KIAA1217: variants seen among roughly 807,000 people sequenced by gnomAD.
KIAA1217 encodes KIAA1217.
In KIAA1217, 88 loss-of-function variants were observed where a neutral mutation model predicts 163.9. The ratio of observed to expected loss-of-function variants is 0.54; its 90% confidence interval spans 0.45 to 0.64. KIAA1217 has a LOEUF of 0.64. KIAA1217 is among the 30% of genes least tolerant of loss of function. The pLI, the probability that KIAA1217 is intolerant of heterozygous loss-of-function variation, is 0.00. For missense variants in KIAA1217, 2,372 were observed against 2,475.0 expected, an observed-to-expected ratio of 0.96 and a Z score of 0.88; for synonymous variants, 903 against 923.1, an observed-to-expected ratio of 0.98 and a Z score of 0.39.
At chr10:23,877,135 G>A (rs973476994) in intron 1 of KIAA1217, among the ~76,000 whole-genome samples, 1 of 151,908 alleles carries the variant, frequency 6.6e-6, no homozygotes, top group Non-Finnish European at 1.5e-5. Flanking sequence ...GTTTTCTTTG[G>A]CTAATGAATG....
At chr10:24,080,580 A>G (rs1485732870) in intron 2 of KIAA1217, among the ~76,000 whole-genome samples, 1 of 152,124 alleles carries the variant, frequency 6.6e-6, no homozygotes, top group Non-Finnish European at 1.5e-5. Context: ...CATAATTAGG[A>G]AAAAAAGCCT....
intron 2 of KIAA1217, among the ~76,000 whole-genome samples, chr10:24,120,290 T>G (rs994013420): frequency 9.9e-5 from 15 of 152,158 alleles, no homozygotes; most frequent in Non-Finnish European, 1.9e-4. Context: ...GTCCCACTTT[T>G]GAGAGCATTT....
At chr10:23,756,032 C>T (rs1193944675) in intron 1 of KIAA1217, among the ~76,000 whole-genome samples, 1 of 152,050 alleles carries the variant, frequency 6.6e-6, no homozygotes, top group African/African-American at 2.4e-5. Flanking sequence ...TCATAGCTCA[C>T]TGCAGCCTCA....
At chr10:23,722,850 C>A (rs7098881) in intron 1 of KIAA1217, among the ~76,000 whole-genome samples, 5,707 of 152,232 alleles carry the variant, frequency 0.037, 332 homozygotes, top group African/African-American at 0.13. Context: ...CAAGGAGATA[C>A]CATAGTTCTC....
intron 2 of KIAA1217, among the ~76,000 whole-genome samples, chr10:24,113,760 C>A (rs879727589): frequency 3.3e-5 from 5 of 152,202 alleles, no homozygotes; most frequent in Non-Finnish European, 7.3e-5. Context: ...GAACTGGAAG[C>A]CCCTGCCATG....
intron 3 of KIAA1217, among the ~76,000 whole-genome samples, chr10:24,418,587 A>G (rs1480949334): frequency 3.3e-5 from 5 of 152,222 alleles, no homozygotes; most frequent in Admixed American, 3.3e-4. Flanking sequence ...ATCACTACGT[A>G]AAATACCAAT....
At chr10:24,159,741 C>T (rs1012066423) in intron 2 of KIAA1217, among the ~76,000 whole-genome samples, 1 of 152,088 alleles carries the variant, frequency 6.6e-6, no homozygotes, top group African/African-American at 2.4e-5. Flanking sequence ...TGAGATCACG[C>T]CACTGCGCTC....
intron 9 of KIAA1217, 78 bp downstream of exon 9, chr10:24,501,623 A>G (rs1326983109): frequency 7.4e-7 from 1 of 1,354,424 alleles, no homozygotes; most frequent in African/African-American, 1.4e-5. Context: ...GGCTCCGTGA[A>G]GACCTAGAGA....
At chr10:24,222,923 G>A (rs531863781) in intron 2 of KIAA1217, among the ~76,000 whole-genome samples, 9 of 152,186 alleles carry the variant, frequency 5.9e-5, no homozygotes, top group Admixed American at 5.9e-4. Flanking sequence ...TGCTAAACAA[G>A]GGGTGGATTA....
chr10:23,785,550 A>G (rs1388801800), intron 1 of KIAA1217, among the ~76,000 whole-genome samples: 1 of 152,174 alleles, frequency 6.6e-6, no homozygotes, highest in African/African-American at 2.4e-5. Context: ...GTAAATATGC[A>G]CATGTATACA....
intron 1 of KIAA1217, among the ~76,000 whole-genome samples, chr10:23,891,912 T>G (rs1400777825): frequency 6.6e-6 from 1 of 152,120 alleles, no homozygotes; most frequent in Non-Finnish European, 1.5e-5. Context: ...ACTGGGTACA[T>G]TAAGTATCAA....
chr10:24,177,448 G>C (rs181508954), intron 2 of KIAA1217, among the ~76,000 whole-genome samples: 2 of 148,380 alleles, frequency 1.3e-5, no homozygotes, highest in African/African-American at 5.0e-5. Context: ...CCATATTTTT[G>C]CAATTGTGAA....
intron 1 of KIAA1217, among the ~76,000 whole-genome samples, chr10:23,951,337 A>G (rs1267546905): frequency 6.6e-6 from 1 of 152,174 alleles, no homozygotes; most frequent in African/African-American, 2.4e-5. Context: ...TTATGAGAAA[A>G]TTAAAGCTCA....
intron 2 of KIAA1217, among the ~76,000 whole-genome samples, chr10:24,032,316 G>A (rs548312853): frequency 7.2e-5 from 11 of 152,264 alleles, no homozygotes; most frequent in African/African-American, 2.6e-4. Context: ...CTGGAGTGCA[G>A]TGGTGCAATC....
intron 3 of KIAA1217, among the ~76,000 whole-genome samples, chr10:24,396,201 G>A (rs1008421615): frequency 6.6e-6 from 1 of 152,110 alleles, no homozygotes; most frequent in Non-Finnish European, 1.5e-5. Flanking sequence ...GACAGGTGTG[G>A]TGGCAGGCAC....
chr10:23,734,932 T>A (rs1008145675), intron 1 of KIAA1217, among the ~76,000 whole-genome samples: 1 of 152,136 alleles, frequency 6.6e-6, no homozygotes, highest in Non-Finnish European at 1.5e-5. Context: ...CTGGTAGTTA[T>A]TTTCCTGATT....
chr10:24,230,259 TTTCAATTTTTTTGGGGGG>T, intron 2 of KIAA1217, among the ~76,000 whole-genome samples: 1 of 152,196 alleles, frequency 6.6e-6, no homozygotes, highest in Non-Finnish European at 1.5e-5. Flanking sequence ...ATATTTCAGA[TTTCAATTTTTTTGGGGGG>T]TGGATTTTGA....
intron 1 of KIAA1217, among the ~76,000 whole-genome samples, chr10:23,741,647 G>A (rs1239243265): frequency 6.6e-6 from 1 of 152,214 alleles, no homozygotes; most frequent in Non-Finnish European, 1.5e-5. Context: ...CCAGCTCTGG[G>A]TGGCCTGAGC....
intron 1 of KIAA1217, among the ~76,000 whole-genome samples, chr10:23,803,291 C>T (rs1253914013): frequency 1.3e-5 from 2 of 152,200 alleles, no homozygotes; most frequent in African/African-American, 4.8e-5. Context: ...GAACATATTT[C>T]CCCAGCTGCT....
Sources: allele counts gnomAD v4.1 joint callset (sites outside exome capture counted in the v4.1 genomes callset), GRCh38; gene constraint gnomAD v4.1.1; transcripts MANE v1.5; gene names NCBI Gene and HGNC (gene_info 2026-07-23, HGNC 2026-07-21).